Variants in ERC1 observed in about 807,000 individuals in gnomAD.
ERC1 encodes ELKS/RAB6-interacting/CAST family member 1.
In ERC1, 56 loss-of-function variants were observed where a neutral mutation model predicts 132.0. The ratio of observed to expected loss-of-function variants is 0.42; its 90% CI spans 0.34 to 0.53. The LOEUF (loss-of-function observed/expected upper bound fraction) is 0.53. ERC1 is among the 20% of genes least tolerant of loss of function. The probability of loss-of-function intolerance (pLI) is 0.03; values close to 1 mark genes in which losing one functional copy is unlikely to be tolerated. For missense variants in ERC1, 1,202 were observed against 1,349.9 expected (o/e 0.89, Z 1.72); for synonymous variants, 478 against 476.1 (o/e 1.00, Z -0.05).
intron 12 of ERC1, among the ~76,000 whole-genome samples, chr12:1,209,531 T>C (rs1957669658): frequency 6.6e-6 from 1 of 152,178 alleles, no homozygotes; most frequent in African/African-American, 2.4e-5. Flanking sequence ...TTTATCAACA[T>C]TTTCTGCCTT....
chr12:1,198,356 T>C (rs1956539024), intron 12 of ERC1, among the ~76,000 whole-genome samples: 1 of 152,184 alleles, frequency 6.6e-6, no homozygotes, highest in South Asian at 2.1e-4. Context: ...TAATACTAAT[T>C]TCAGGTCCTC....
intron 18 of ERC1, among the ~76,000 whole-genome samples, chr12:1,455,992 A>T (rs1021097466): frequency 2.0e-5 from 3 of 152,222 alleles, no homozygotes; most frequent in Non-Finnish European, 2.9e-5. Context: ...GATCTTTCTC[A>T]TAGCTGCAAG....
intron 17 of ERC1, among the ~76,000 whole-genome samples, chr12:1,440,309 A>G (rs1223107243): frequency 7.2e-6 from 1 of 138,204 alleles, no homozygotes; most frequent in Non-Finnish European, 1.5e-5. Context: ...GGTTCACGCC[A>G]TTCTCCTGCC....
chr12:1,133,059 T>A (rs1948919863), intron 7 of ERC1, among the ~76,000 whole-genome samples: 1 of 151,914 alleles, frequency 6.6e-6, no homozygotes, highest in South Asian at 2.1e-4. Context: ...GATTTCACAT[T>A]GTTGGCCAGG....
intron 15 of ERC1, among the ~76,000 whole-genome samples, chr12:1,307,411 A>C (rs966040964): frequency 1.3e-5 from 2 of 152,136 alleles, no homozygotes; most frequent in Non-Finnish European, 2.9e-5. Context: ...GTTGGGATTA[A>C]ATAGAAGTTG....
chr12:1,052,518 C>T (rs767432605), intron 2 of ERC1, among the ~76,000 whole-genome samples: 15 of 152,182 alleles, frequency 9.9e-5, no homozygotes, highest in Admixed American at 2.0e-4. Flanking sequence ...GATAAGTGCT[C>T]TTTAGGTTAA....
chr12:1,252,369 G>T (rs1202172101), intron 13 of ERC1, among the ~76,000 whole-genome samples: 1 of 152,082 alleles, frequency 6.6e-6, no homozygotes, highest in African/African-American at 2.4e-5. Context: ...TTTTGGTAAA[G>T]ACTTTGAAAA....
chr12:1,231,156 T>G (rs2075007662), intron 12 of ERC1, among the ~76,000 whole-genome samples: 1 of 150,244 alleles, frequency 6.7e-6, no homozygotes, highest in South Asian at 2.1e-4. Context: ...TTTTTTTTTT[T>G]GTAATTGTAT....
intron 1 of ERC1, among the ~76,000 whole-genome samples, chr12:1,010,923 AC>A (rs1223158938): frequency 6.6e-6 from 1 of 152,124 alleles, no homozygotes; most frequent in African/African-American, 2.4e-5. Flanking sequence ...TATAATGCGT[AC>A]CCATGCGTTA....
chr12:1,165,804 C>T (rs542733910), intron 8 of ERC1, among the ~76,000 whole-genome samples: 2 of 152,062 alleles, frequency 1.3e-5, no homozygotes, highest in Admixed American at 6.6e-5. Context: ...TTTTTCCAAT[C>T]GAGCTAGAAT....
At chr12:1,402,472 G>A (rs1027522094) in intron 16 of ERC1, among the ~76,000 whole-genome samples, 28 of 151,288 alleles carry the variant, frequency 1.9e-4, no homozygotes, top group Non-Finnish European at 3.4e-4. Flanking sequence ...GTAGTGAGCC[G>A]AGATCACACC....
chr12:1,459,816 A>C (rs1299920226), intron 18 of ERC1, among the ~76,000 whole-genome samples: 6 of 152,232 alleles, frequency 3.9e-5, no homozygotes, highest in Non-Finnish European at 7.3e-5. Context: ...GTAGTGGGAC[A>C]CGTCAATGTG....
intron 17 of ERC1, among the ~76,000 whole-genome samples, chr12:1,438,604 C>G (rs996358468): frequency 2.6e-5 from 4 of 152,044 alleles, no homozygotes; most frequent in Admixed American, 6.6e-5. Context: ...AAATAATTTG[C>G]CAGGAAGACA....
At chr12:1,035,980 G>A (rs1395995388) in intron 2 of ERC1, among the ~76,000 whole-genome samples, 1 of 151,778 alleles carries the variant, frequency 6.6e-6, no homozygotes, top group African/African-American at 2.4e-5. Context: ...CATTTAACCA[G>A]ATTATCATCA....
At chr12:1,333,564 C>G (rs1365415893) in intron 15 of ERC1, among the ~76,000 whole-genome samples, 1 of 151,954 alleles carries the variant, frequency 6.6e-6, no homozygotes, top group Non-Finnish European at 1.5e-5. Flanking sequence ...ATCTCCTGAC[C>G]TCATGATCCA....
At chr12:1,109,107 A>T (rs1241272863) in intron 4 of ERC1, among the ~76,000 whole-genome samples, 4 of 152,352 alleles carry the variant, frequency 2.6e-5, no homozygotes, top group African/African-American at 9.6e-5. Context: ...GCAGCTACAG[A>T]TACATAAAAC....
intron 2 of ERC1, among the ~76,000 whole-genome samples, chr12:1,076,708 C>T (rs1027455679): frequency 1.3e-5 from 2 of 152,032 alleles, no homozygotes; most frequent in Non-Finnish European, 2.9e-5. Flanking sequence ...TAATTGGCTG[C>T]ATTATTTTTT....
At chr12:1,331,908 C>T (rs188180808) in intron 15 of ERC1, among the ~76,000 whole-genome samples, 89 of 152,306 alleles carry the variant, frequency 5.8e-4, no homozygotes, top group Non-Finnish European at 1.1e-3. Flanking sequence ...TATCTCAGAG[C>T]ATGACTTTAC....
chr12:1,384,693 A>G (rs1454438770), intron 16 of ERC1, among the ~76,000 whole-genome samples: 3 of 152,208 alleles, frequency 2.0e-5, no homozygotes, highest in Non-Finnish European at 4.4e-5. Flanking sequence ...TATATTTCAA[A>G]AGTTTTATGA....
Sources: gnomAD v4.1 joint callset for allele counts (sites outside exome capture counted in the v4.1 genomes callset) on GRCh38, gnomAD v4.1.1 for gene constraint, MANE v1.5 for transcripts, NCBI Gene and HGNC (gene_info 2026-07-23, HGNC 2026-07-21) for gene names.